Variants in ALPK1 observed in about 807,000 individuals in gnomAD.
ALPK1 encodes the protein alpha kinase 1, also known as alpha-protein kinase 1.
ALPK1 carries 110 observed loss-of-function variants against 120.6 expected under a neutral mutation model. The ratio of observed to expected loss-of-function variants is 0.91; its 90% CI spans 0.78 to 1.07. The LOEUF (loss-of-function observed/expected upper bound fraction) is 1.07. ALPK1 is among the 50% of genes least tolerant of loss of function. The probability of loss-of-function intolerance (pLI) is 0.00; values close to 1 mark genes in which losing one functional copy is unlikely to be tolerated. For missense variants in ALPK1, 1,498 were observed against 1,483.9 expected (o/e 1.01, Z -0.16); for synonymous variants, 582 against 560.3 (o/e 1.04, Z -0.55).
intron 2 of ALPK1, among the ~76,000 whole-genome samples, chr4:112,338,076 C>T (rs72896919): frequency 0.011 from 1,623 of 152,274 alleles, 35 homozygotes; most frequent in African/African-American, 0.037. Context: ...GAGCCATTCT[C>T]CTACCTCAGC....
intron 4 of ALPK1, 34 bp downstream of exon 4, chr4:112,382,586 TC>T (rs1181266095): frequency 2.5e-6 from 4 of 1,614,040 alleles, no homozygotes; most frequent in Non-Finnish European, 3.4e-6. Flanking sequence ...TCCTCTGATA[TC>T]CCCAAGTGAG....
At chr4:112,430,349 A>C in intron 10 of ALPK1, 99 bp from the exon 11 acceptor site, 1 of 1,165,876 alleles carries the variant, frequency 8.6e-7, no homozygotes, top group South Asian at 1.6e-5. Context: ...ATTTTTCTAT[A>C]ATATTTCAAA....
Position 112,412,029 on chromosome 4 carries a change from T to A in ALPK1, c.475+4T>A. ...GCCCGAATCTCCGTGAACTCAGGTA[T>A]GCTCCCTCCTGCTGGCCGCCCCCGC... On this transcript the variant is annotated splice_donor_region_variant and intron_variant, in intron 5 of 15. Coordinates refer to ENST00000650871, the MANE Select transcript of ALPK1 (RefSeq NM_025144.4). 6.2e-7 allele frequency: 1 copy of A among 1,613,754 alleles called. No individual in the cohort carries two copies. Among genetic ancestry groups the A allele is most frequent in the Non-Finnish European group, 8.5e-7 (1 of 1,180,020 alleles).
chr4:112,329,668 T>C (rs1164062510), intron 2 of ALPK1, among the ~76,000 whole-genome samples: 6 of 152,088 alleles, frequency 3.9e-5, no homozygotes, highest in Admixed American at 6.6e-5. Context: ...CTTTAGGGGA[T>C]GGGAGTGAGG....
chr4:112,416,163 G>A (rs906064634), intron 5 of ALPK1, among the ~76,000 whole-genome samples: 2 of 152,096 alleles, frequency 1.3e-5, no homozygotes, highest in African/African-American at 4.8e-5. Context: ...TCTCTGGTAC[G>A]GCCTGAGATG....
intron 4 of ALPK1, among the ~76,000 whole-genome samples, chr4:112,407,362 C>A (rs1467714592): frequency 6.6e-6 from 1 of 152,066 alleles, no homozygotes. Flanking sequence ...GCCTGTAATG[C>A]CAGCTACTCA....
At chr4:112,326,360 C>A (rs930652792) in intron 2 of ALPK1, among the ~76,000 whole-genome samples, 2 of 152,090 alleles carry the variant, frequency 1.3e-5, no homozygotes, top group African/African-American at 4.8e-5. Flanking sequence ...AGGGGTCATG[C>A]AAAGCCATCA....
intron 2 of ALPK1, among the ~76,000 whole-genome samples, chr4:112,364,030 C>T (rs900015164): frequency 6.6e-6 from 1 of 151,958 alleles, no homozygotes; most frequent in East Asian, 1.9e-4. Flanking sequence ...AGTGACACAA[C>T]CTATCAAAAC....
chr4:112,337,277 T>C (rs186705331), intron 2 of ALPK1, among the ~76,000 whole-genome samples: 3 of 152,358 alleles, frequency 2.0e-5, no homozygotes, highest in Admixed American at 2.0e-4. Flanking sequence ...ATTTTATACT[T>C]CTTCGCTTTT....
intron 2 of ALPK1, chr4:112,357,258 C>T: frequency 2.2e-6 from 3 of 1,380,534 alleles, no homozygotes; most frequent in Non-Finnish European, 2.0e-6. Flanking sequence ...CAGCATCTGG[C>T]AGGACGTGCT....
At chr4:112,344,722 T>C (rs1200657234) in intron 2 of ALPK1, among the ~76,000 whole-genome samples, 1 of 152,168 alleles carries the variant, frequency 6.6e-6, no homozygotes, top group African/African-American at 2.4e-5. Context: ...GGAAAGTTAC[T>C]TAACCTCCAT....
chr4:112,327,598 G>T (rs980779074), intron 2 of ALPK1, among the ~76,000 whole-genome samples: 1 of 152,012 alleles, frequency 6.6e-6, no homozygotes, highest in Non-Finnish European at 1.5e-5. Context: ...ACCGAGCCCT[G>T]ATAATTTTTA....
At chr4:112,427,995 G>A in intron 9 of ALPK1, 2 of 202,232 alleles carry the variant, frequency 9.9e-6, no homozygotes, top group Non-Finnish European at 2.0e-5. Flanking sequence ...CCATCTTGAT[G>A]ATAAAGGGGT....
At chr4:112,319,013 G>T (rs1056300173) in intron 2 of ALPK1, among the ~76,000 whole-genome samples, 1 of 152,210 alleles carries the variant, frequency 6.6e-6, no homozygotes, top group African/African-American at 2.4e-5. Context: ...TGAGCCAGGA[G>T]TTTCTAAGTA....
intron 2 of ALPK1, among the ~76,000 whole-genome samples, chr4:112,341,382 A>G (rs1729856397): frequency 6.6e-6 from 1 of 152,196 alleles, no homozygotes; most frequent in Non-Finnish European, 1.5e-5. Flanking sequence ...CAAGGCTGTC[A>G]TTAGGTGATG....
At chr4:112,373,577 G>A (rs1415979612) in intron 2 of ALPK1, among the ~76,000 whole-genome samples, 5 of 152,288 alleles carry the variant, frequency 3.3e-5, no homozygotes, top group African/African-American at 1.2e-4. Flanking sequence ...CGTCTGCACA[G>A]AAGCAAGTAT....
intron 4 of ALPK1, 169 bp downstream of exon 4, chr4:112,382,721 C>A: frequency 1.1e-6 from 1 of 950,450 alleles, no homozygotes; most frequent in Non-Finnish European, 1.6e-6. Context: ...AAAAACATTA[C>A]TTGCCCATAA....
At position 112,430,756 on chromosome 4, in the gene ALPK1, T is replaced by A. The variant is rs1734504049; in HGVS notation, c.1209T>A (p.Ala403=). 6.2e-7 allele frequency: 1 copy of A among 1,614,230 alleles called. No homozygotes were observed. Among genetic ancestry groups the A allele is most frequent in the Non-Finnish European group, 8.5e-7 (1 of 1,180,038 alleles). ...STSSRSQDRE[A]LSQEVMSVIA... ...CCTCCAGAAGTCAGGACAGAGAAGC[T>A]CTGTCTCAAGAAGTTATGTCTGTGA... The change falls in exon 11 of 16, where the codon GCT becomes GCA. Residue 403 remains alanine (A), a synonymous_variant. Transcript: ENST00000650871.
In ALPK1 at chr4:112,442,009, T is replaced by A. The variant is rs1735058898; in HGVS notation, c.*799T>A. On this transcript the variant is annotated 3_prime_UTR_variant, in exon 16 of 16. Transcript: ENST00000650871. ...GGTTTAATTAACTCACAGTTCCACA[T>A]GGCTGGGGAGACCTCAGGAAACTTA... 2 of 153,066 alleles carry A rather than the reference T, an allele frequency of 1.3e-5. No homozygotes were observed. 9.5% of individuals were successfully genotyped at this position (153,066 alleles called of 1,614,324 possible).
Sources: gnomAD v4.1 joint callset for allele counts (sites outside exome capture counted in the v4.1 genomes callset) on GRCh38, gnomAD v4.1.1 for gene constraint, MANE v1.5 for transcripts, NCBI Gene and HGNC (gene_info 2026-07-23, HGNC 2026-07-21) for gene names.